CHST9: variants seen among roughly 807,000 people sequenced by gnomAD.
The protein encoded by CHST9 is carbohydrate sulfotransferase 9, also known as GalNAc-4-sulfotransferase 2.
CHST9 carries 41 observed loss-of-function variants against 44.4 expected under a neutral mutation model. That is an observed-to-expected ratio of 0.92 (90% CI 0.72 to 1.20). The LOEUF is 1.20. Among genes scored for constraint, CHST9 ranks in the 50% most tolerant of loss-of-function variants. CHST9 has a pLI of 0.00. For synonymous variants in CHST9, 171 were observed against 178.4 expected (o/e 0.96, Z 0.33); for missense variants, 504 against 516.5 (o/e 0.98, Z 0.23).
At chr18:27,028,056 C>T (rs550616119) in intron 3 of CHST9, among the ~76,000 whole-genome samples, 11 of 152,126 alleles carry the variant, frequency 7.2e-5, no homozygotes, top group Admixed American at 2.6e-4. Context: ...GCTGGGATTA[C>T]AGGCATGTGC....
chr18:27,108,949 C>G (rs1282416988), intron 2 of CHST9, among the ~76,000 whole-genome samples: 1 of 152,134 alleles, frequency 6.6e-6, no homozygotes, highest in Non-Finnish European at 1.5e-5. Flanking sequence ...TTTATAATAA[C>G]TGTTATTCTA....
chr18:27,002,046 T>TA (rs36071564), intron 4 of CHST9, among the ~76,000 whole-genome samples: 424 of 143,730 alleles, frequency 2.9e-3, no homozygotes, highest in Middle Eastern at 3.6e-3. Context: ...ATTGACAAAG[T>TA]AAAAAAAAAA....
chr18:26,955,352 T>C (rs1371868048), intron 4 of CHST9, among the ~76,000 whole-genome samples: 5 of 152,086 alleles, frequency 3.3e-5, no homozygotes, highest in Non-Finnish European at 7.4e-5. Flanking sequence ...TACAAGATCA[T>C]GATTTGCAAT....
chr18:26,933,901 A>C (rs1360364533), intron 5 of CHST9, among the ~76,000 whole-genome samples: 2 of 152,216 alleles, frequency 1.3e-5, no homozygotes, highest in African/African-American at 4.8e-5. Context: ...CGTTAAATAG[A>C]TGTCCAAGGA....
chr18:27,088,389 C>CTT (rs35189657), intron 2 of CHST9, among the ~76,000 whole-genome samples: 3,497 of 137,416 alleles, frequency 0.025, 125 homozygotes, highest in African/African-American at 0.087. Context: ...ATTATTAACA[C>CTT]TTTTTTTTTT....
intron 1 of CHST9, among the ~76,000 whole-genome samples, chr18:27,184,196 T>G (rs145913095): frequency 0.013 from 1,985 of 152,224 alleles, 30 homozygotes; most frequent in Middle Eastern, 0.024. Context: ...ACACATTGTG[T>G]ATTATTCACT....
At position 27,101,364 on chromosome 18, in the gene CHST9, G is replaced by T. The variant is rs980249130; in HGVS notation, c.121+41325C>A. Among the ~76,000 whole-genome samples the T allele has an allele frequency of 1.1e-4, 16 of 152,176 alleles. No homozygotes were observed. The East Asian group carries it at 3.1e-3, about 29-fold the overall frequency. On this transcript the variant is annotated intron_variant, in intron 2 of 5. Coordinates refer to ENST00000618847, the MANE Select transcript of CHST9 (RefSeq NM_031422.6). ...CCCAGCACTTTGGGAGGCCGAGGCG[G>T]GTGGATCACGAGGTCAGGAGATCAA...
intron 2 of CHST9, among the ~76,000 whole-genome samples, chr18:27,073,647 GAAGGAGAGTC>G (rs2057866991): frequency 6.6e-6 from 1 of 151,936 alleles, no homozygotes; most frequent in Non-Finnish European, 1.5e-5. Flanking sequence ...GCTGCTGCAG[GAAGGAGAGTC>G]AAGGTCGCCA....
chr18:26,968,022 T>A lies in CHST9; in HGVS notation c.203-23656A>T, dbSNP rs116196206. On this transcript the variant is annotated intron_variant, in intron 4 of 5. Coordinates refer to ENST00000618847, the MANE Select transcript of CHST9 (RefSeq NM_031422.6). ...GGCTCTCAGGCCTTCGGCCGCAGAC[T>A]GAAGGCTGCACTATTGGCTTCCCTG... Among the ~76,000 whole-genome samples, 182 of 152,362 alleles carry A rather than the reference T, an allele frequency of 1.2e-3. 1 individual carries two copies. The highest frequency in any genetic ancestry group is 4.1e-3 in the African/African-American group (171 of 41,596).
rs12604717 is a variant in CHST9 at position 27,040,371 on chromosome 18, T to C, written c.160+8094A>G. ...AATATGCTAGCTACACTCAATAATGTAGTAATTCATGGTCATCTGTAACTC... is the reference window on the plus strand; with the variant it reads ...AATATGCTAGCTACACTCAATAATGCAGTAATTCATGGTCATCTGTAACTC... On this transcript the variant is annotated intron_variant, in intron 3 of 5. Transcript: ENST00000618847. 3.6e-3 allele frequency among the ~76,000 whole-genome samples: 548 copies of C among 152,280 alleles called. 26 individuals carry two copies. The East Asian group carries it at 0.094, about 26-fold the overall frequency.
chr18:27,082,758 G>A (rs1011877796), intron 2 of CHST9, among the ~76,000 whole-genome samples: 1 of 152,086 alleles, frequency 6.6e-6, no homozygotes, highest in African/African-American at 2.4e-5. Flanking sequence ...AGAGAGTGAG[G>A]TGACAGTATA....
At chr18:27,045,239 T>C (rs185311505) in intron 3 of CHST9, among the ~76,000 whole-genome samples, 148 of 152,168 alleles carry the variant, frequency 9.7e-4, no homozygotes, top group Non-Finnish European at 1.8e-3. Context: ...GTTCTTCTTT[T>C]TGGAAATGTT....
intron 3 of CHST9, among the ~76,000 whole-genome samples, chr18:27,046,562 AG>A (rs145029691): frequency 0.025 from 3,775 of 151,972 alleles, 159 homozygotes; most frequent in African/African-American, 0.083. Context: ...AATTCCAAGC[AG>A]GAAGTCAGAA....
At chr18:27,125,667 G>A (rs963812450) in intron 2 of CHST9, among the ~76,000 whole-genome samples, 1 of 152,082 alleles carries the variant, frequency 6.6e-6, no homozygotes, top group African/African-American at 2.4e-5. Context: ...AATGTCAATG[G>A]GAAAGAAGAA....
intron 5 of CHST9, among the ~76,000 whole-genome samples, chr18:26,923,791 G>A (rs1288970252): frequency 6.6e-6 from 1 of 152,174 alleles, no homozygotes; most frequent in African/African-American, 2.4e-5. Flanking sequence ...AAAAGGATAG[G>A]TCAGGTATTT....
chr18:27,139,134 T>C (rs2058542290), intron 2 of CHST9, among the ~76,000 whole-genome samples: 1 of 152,168 alleles, frequency 6.6e-6, no homozygotes, highest in Non-Finnish European at 1.5e-5. Context: ...AAGTATTTTA[T>C]TTTAATACGA....
At position 27,062,674 on chromosome 18, in the gene CHST9, C is replaced by T. The variant is rs548512747; in HGVS notation, c.122-14171G>A. ...GATTTATAATCCTTTGGGTATATAC[C>T]CAGTAATGGGATGGCTGGGTCAAAT... is the stretch of plus-strand genomic sequence containing the variant. On this transcript the variant is annotated intron_variant, in intron 2 of 5. Coordinates refer to ENST00000618847, the MANE Select transcript of CHST9 (RefSeq NM_031422.6). Among the ~76,000 whole-genome samples the T allele has an allele frequency of 2.6e-4, 40 of 152,136 alleles. 1 individual carries two copies. The South Asian group carries it at 7.5e-3, about 28-fold the overall frequency.
chr18:26,990,242 AG>A (rs1195799009), intron 4 of CHST9, among the ~76,000 whole-genome samples: 4 of 152,202 alleles, frequency 2.6e-5, no homozygotes, highest in Admixed American at 2.0e-4. Context: ...AAGGGTCAAA[AG>A]GGACACAAGG....
chr18:27,042,760 C>G (rs2057459373), intron 3 of CHST9, among the ~76,000 whole-genome samples: 1 of 151,666 alleles, frequency 6.6e-6, no homozygotes, highest in Non-Finnish European at 1.5e-5. Flanking sequence ...AAGGATTAAG[C>G]TCTTCTCTCT....
Sources: allele counts gnomAD v4.1 joint callset (sites outside exome capture counted in the v4.1 genomes callset), GRCh38; gene constraint gnomAD v4.1.1; transcripts MANE v1.5; gene names NCBI Gene and HGNC (gene_info 2026-07-23, HGNC 2026-07-21).